CNIH3: variants seen among roughly 807,000 people sequenced by gnomAD.
CNIH3 encodes cornichon family AMPA receptor auxiliary protein 3.
Under a neutral mutation model 24.1 loss-of-function variants are expected in CNIH3, and 14 were observed. The ratio of observed to expected loss-of-function variants is 0.58; its 90% confidence interval spans 0.38 to 0.91. The LOEUF (loss-of-function observed/expected upper bound fraction) is 0.91. Among genes scored for constraint, CNIH3 ranks in the 40% least tolerant of loss-of-function variants. The pLI is 0.00. For synonymous variants in CNIH3, 68 were observed against 73.8 expected (o/e 0.92, Z 0.40); for missense variants, 178 against 196.8 (o/e 0.90, Z 0.57).
chr1:224,682,012 G>A (rs1686427407), intron 2 of CNIH3, among the ~76,000 whole-genome samples: 1 of 152,094 alleles, frequency 6.6e-6, no homozygotes. Context: ...GGCTCTGCTA[G>A]CGTGATACCG....
intron 3 of CNIH3, among the ~76,000 whole-genome samples, chr1:224,725,810 A>G (rs537265903): frequency 6.6e-6 from 1 of 152,254 alleles, no homozygotes; most frequent in South Asian, 2.1e-4. Context: ...CCCTTGCTTC[A>G]ACTCCAAGCA....
chr1:224,706,314 A>G (rs532490218), intron 3 of CNIH3, among the ~76,000 whole-genome samples: 1 of 152,116 alleles, frequency 6.6e-6, no homozygotes, highest in South Asian at 2.1e-4. Context: ...TTCCCACTTT[A>G]CTTACTGTCT....
At chr1:224,535,551 G>T (rs1679249709) in intron 2 of CNIH3, among the ~76,000 whole-genome samples, 5 of 152,298 alleles carry the variant, frequency 3.3e-5, no homozygotes, top group African/African-American at 9.6e-5. Context: ...AATTGACTTA[G>T]CAAATTAATT....
At chr1:224,630,088 C>T (rs780039635) in intron 1 of CNIH3, among the ~76,000 whole-genome samples, 16 of 152,106 alleles carry the variant, frequency 1.1e-4, no homozygotes, top group Non-Finnish European at 1.8e-4. Context: ...AAGAGAGTAG[C>T]GGTGTTTCCC....
chr1:224,632,878 C>G (rs1558234266), intron 1 of CNIH3, among the ~76,000 whole-genome samples: 1 of 152,134 alleles, frequency 6.6e-6, no homozygotes, highest in African/African-American at 2.4e-5. Context: ...AAGTCATGCC[C>G]TAGAAAGGGG....
chr1:224,723,604 A>G (rs1020234456), intron 3 of CNIH3, among the ~76,000 whole-genome samples: 1 of 152,230 alleles, frequency 6.6e-6, no homozygotes, highest in African/African-American at 2.4e-5. Flanking sequence ...CCAGGCCAGG[A>G]GGAAAATTCT....
At chr1:224,570,012 A>G (rs940483692) in intron 4 of CNIH3, among the ~76,000 whole-genome samples, 8 of 152,016 alleles carry the variant, frequency 5.3e-5, no homozygotes, top group African/African-American at 1.9e-4. Context: ...TTGAACTCCC[A>G]ACCTCAGGTG....
chr1:224,518,246 C>G (rs1041370548), intron 1 of CNIH3, among the ~76,000 whole-genome samples: 1 of 152,214 alleles, frequency 6.6e-6, no homozygotes, highest in Non-Finnish European at 1.5e-5. Flanking sequence ...TGCATTATTA[C>G]TTCAATAAAC....
rs538980350 is a variant in CNIH3 at position 224,452,218 on chromosome 1, C to T, written n.203+17356C>T. Among the ~76,000 whole-genome samples, 22 of 149,622 alleles carry T rather than the reference C, an allele frequency of 1.5e-4. 1 individual carries two copies. Among genetic ancestry groups the T allele is most frequent in the South Asian group, 1.1e-3 (5 of 4,720 alleles). On this transcript the variant is annotated intron_variant and non_coding_transcript_variant, in intron 1 of 5. Transcript: ENST00000471578. ...AGGCTGGTGTGCGGTGGCGCGATCTCGGTTCACTGCAACCTTCGCCTCCCG... is the reference window on the plus strand; with the variant it reads ...AGGCTGGTGTGCGGTGGCGCGATCTTGGTTCACTGCAACCTTCGCCTCCCG...
intron 3 of CNIH3, among the ~76,000 whole-genome samples, chr1:224,598,829 A>G (rs148524117): frequency 6.4e-4 from 98 of 152,346 alleles, no homozygotes; most frequent in Middle Eastern, 3.4e-3. Flanking sequence ...GGACCACAGT[A>G]TAGTATAAAC....
intron 1 of CNIH3, chr1:224,661,233 C>T (rs998898879): frequency 3.4e-6 from 1 of 297,806 alleles, no homozygotes; most frequent in East Asian, 9.6e-5. Flanking sequence ...TTAACTGGCC[C>T]TCTTCTTCAA....
At chr1:224,556,305 C>A (rs115442429) in intron 3 of CNIH3, among the ~76,000 whole-genome samples, 2,392 of 152,008 alleles carry the variant, frequency 0.016, 25 homozygotes, top group Middle Eastern at 0.034. Context: ...GTCTGTGGTA[C>A]TTACTGTATG....
rs114183296 is a variant in CNIH3 at position 224,644,492 on chromosome 1, G to A, written c.81+27237G>A. Among the ~76,000 whole-genome samples, 567 of 152,256 alleles carry A rather than the reference G, an allele frequency of 3.7e-3. 2 individuals are homozygous for A. Among genetic ancestry groups the A allele is most frequent in the African/African-American group, 0.013 (535 of 41,532 alleles). The stretch of plus-strand genomic sequence containing the variant: ...GGTTGGACCAGGTGATGTCTGAGGC[G>A]ATGTCTGGCTCTAATATTATGCCTG... On this transcript the variant is annotated intron_variant, in intron 1 of 5. Coordinates refer to ENST00000272133, the MANE Select transcript of CNIH3 (RefSeq NM_152495.2).
intron 1 of CNIH3, among the ~76,000 whole-genome samples, chr1:224,639,789 C>T (rs909336104): frequency 3.9e-5 from 6 of 152,156 alleles, no homozygotes; most frequent in South Asian, 2.1e-4. Context: ...TTCTGCTGAC[C>T]GCCAATATTA....
At chr1:224,487,190 C>G (rs1677062862) in intron 1 of CNIH3, among the ~76,000 whole-genome samples, 1 of 152,144 alleles carries the variant, frequency 6.6e-6, no homozygotes, top group Non-Finnish European at 1.5e-5. Context: ...TGCCTGAAAC[C>G]ATGTCCTTAC....
chr1:224,672,243 G>T (rs1268808704), intron 1 of CNIH3, among the ~76,000 whole-genome samples: 1 of 152,108 alleles, frequency 6.6e-6, no homozygotes, highest in African/African-American at 2.4e-5. Context: ...ATAAAAGCCT[G>T]CTTCCCTGGG....
chr1:224,634,684 C>G (rs1683999666), intron 1 of CNIH3, among the ~76,000 whole-genome samples: 1 of 152,148 alleles, frequency 6.6e-6, no homozygotes, highest in South Asian at 2.1e-4. Flanking sequence ...TCTTCCTTTC[C>G]TTTTCTTCTT....
chr1:224,445,045 C>T (rs1675095646), intron 1 of CNIH3, among the ~76,000 whole-genome samples: 1 of 151,514 alleles, frequency 6.6e-6, no homozygotes, highest in South Asian at 2.1e-4. Flanking sequence ...AGTGAACGTA[C>T]CCGTGAAACC....
intron 1 of CNIH3, among the ~76,000 whole-genome samples, chr1:224,465,569 T>A (rs962694526): frequency 6.6e-6 from 1 of 152,228 alleles, no homozygotes; most frequent in African/African-American, 2.4e-5. Flanking sequence ...TAAACCACAG[T>A]CTATACTATT....
Sources: gnomAD v4.1 joint callset for allele counts (sites outside exome capture counted in the v4.1 genomes callset) on GRCh38, gnomAD v4.1.1 for gene constraint, MANE v1.5 for transcripts, NCBI Gene and HGNC (gene_info 2026-07-23, HGNC 2026-07-21) for gene names.